The following OVCH1 variants were observed in gnomAD, a reference collection of about 807,000 sequenced individuals.
OVCH1 encodes the protein ovochymase 1, also known as ovochymase-1.
A neutral mutation model predicts 138.4 loss-of-function variants in OVCH1; 139 were observed. The ratio of observed to expected loss-of-function variants is 1.00; its 90% CI spans 0.87 to 1.16. The LOEUF (loss-of-function observed/expected upper bound fraction) is 1.16. Ranked by LOEUF, OVCH1 falls within the 50% of genes most tolerant of loss-of-function variation. OVCH1 has a pLI of 0.00. For missense variants in OVCH1, 1,367 were observed against 1,357.9 expected (o/e 1.01, Z -0.11); for synonymous variants, 453 against 467.8 (o/e 0.97, Z 0.41).
At chr12:29,446,461 T>C (rs1941619096) in intron 22 of OVCH1, among the ~76,000 whole-genome samples, 1 of 152,146 alleles carries the variant, frequency 6.6e-6, no homozygotes, top group South Asian at 2.1e-4. Flanking sequence ...AAGAATGCTA[T>C]ACAACTTAAG....
intron 4 of OVCH1, 90 bp downstream of exon 4, chr12:29,495,195 T>G: frequency 7.3e-6 from 9 of 1,237,402 alleles, no homozygotes; most frequent in Non-Finnish European, 1.0e-5. Flanking sequence ...ATTCTATTAC[T>G]AGACAGCCAC....
At chr12:29,409,821 G>A, downstream of OVCH1, among the ~76,000 whole-genome samples, 1 of 152,078 alleles carries the variant, frequency 6.6e-6, no homozygotes, top group East Asian at 1.9e-4. Flanking sequence ...ATGTCTATGA[G>A]GTCTGCTTGG....
At chr12:29,462,962 T>C (rs1011600987) in intron 18 of OVCH1, among the ~76,000 whole-genome samples, 6 of 152,208 alleles carry the variant, frequency 3.9e-5, no homozygotes, top group African/African-American at 1.4e-4. Flanking sequence ...CTCTCCTAGC[T>C]GGAAAGAATG....
chr12:29,447,123 G>C (rs1273074190), intron 22 of OVCH1, among the ~76,000 whole-genome samples: 1 of 151,762 alleles, frequency 6.6e-6, no homozygotes, highest in South Asian at 2.1e-4. Flanking sequence ...GCAATAAAAA[G>C]AATAATACTC....
At chr12:29,496,114 G>T in intron 3 of OVCH1, 67 bp downstream of exon 3, 1 of 1,404,496 alleles carries the variant, frequency 7.1e-7, no homozygotes, top group Non-Finnish European at 9.9e-7. Flanking sequence ...GCTATTTAGA[G>T]CAACAAATCT....
Position 29,451,574 on chromosome 12 carries a change from A to G in OVCH1, c.2531-5T>C. 1 of 1,603,066 alleles carries G rather than the reference A, an allele frequency of 6.2e-7. No individual in the cohort carries two copies. On this transcript the variant is annotated splice_polypyrimidine_tract_variant and splice_region_variant and intron_variant, in intron 21 of 27. Coordinates refer to ENST00000318184, the Ensembl canonical transcript of OVCH1. Reference sequence around the variant, plus strand: ...GCTCTGCTTCAGAGCAACAACCTGCAATTCAGAACACACAGACACCAGGGA... The same window carrying G: ...GCTCTGCTTCAGAGCAACAACCTGCGATTCAGAACACACAGACACCAGGGA...
intron 21 of OVCH1, among the ~76,000 whole-genome samples, chr12:29,452,522 G>A (rs928946466): frequency 2.6e-5 from 4 of 151,858 alleles, no homozygotes; most frequent in African/African-American, 4.8e-5. Context: ...ATCTTCCCTC[G>A]CCTTGCCCTA....
the OVCH1 span, among the ~76,000 whole-genome samples, chr12:29,402,627 A>G: frequency 6.6e-6 from 1 of 151,970 alleles, no homozygotes; most frequent in Non-Finnish European, 1.5e-5. Context: ...TTGGAAGAGT[A>G]TAAGAGATTG....
At chr12:29,414,020 C>CTT (rs74937229) in intron 3 of OVCH1, among the ~76,000 whole-genome samples, 653 of 38,396 alleles carry the variant, frequency 0.017, 9 homozygotes, top group African/African-American at 0.034. Context: ...CTCTCTCTCT[C>CTT]TTTTTTTTTT....
At chr12:29,464,975 T>C (rs936096077) in intron 17 of OVCH1, among the ~76,000 whole-genome samples, 172 bp downstream of exon 17, 43 of 152,132 alleles carry the variant, frequency 2.8e-4, no homozygotes, top group Non-Finnish European at 4.4e-4. Flanking sequence ...TTCCTGCAAT[T>C]CTCAAGTGAA....
chr12:29,441,128 A>G (rs1474925475), intron 25 of OVCH1, among the ~76,000 whole-genome samples: 4 of 152,182 alleles, frequency 2.6e-5, no homozygotes, highest in Admixed American at 2.6e-4. Flanking sequence ...TTGACCACCC[A>G]AAATCCTTGT....
At chr12:29,447,255 A>C (rs1279472247) in intron 22 of OVCH1, among the ~76,000 whole-genome samples, 2 of 152,124 alleles carry the variant, frequency 1.3e-5, no homozygotes, top group African/African-American at 4.8e-5. Context: ...CAGGAGTTTG[A>C]GACCAGCCTG....
At chr12:29,439,561 G>A (rs1231486695) in intron 25 of OVCH1, 8 of 1,200,384 alleles carry the variant, frequency 6.7e-6, no homozygotes, top group Admixed American at 3.7e-5. Context: ...TGCTACTCTC[G>A]GTACTTTACC....
At chr12:29,455,250 A>C in exon 20 of OVCH1, 1 of 1,611,628 alleles carries the variant, frequency 6.2e-7, no homozygotes, top group Non-Finnish European at 8.5e-7. Context: ...ACAATTTACC[A>C]TTGATTTTTG....
At chr12:29,470,480 G>A (rs1033197486) in intron 16 of OVCH1, among the ~76,000 whole-genome samples, 2 of 152,070 alleles carry the variant, frequency 1.3e-5, no homozygotes, top group Non-Finnish European at 2.9e-5. Flanking sequence ...TTGGTTTTCT[G>A]TTCCTGTGTT....
At chr12:29,407,372 G>C in the OVCH1 span, among the ~76,000 whole-genome samples, 8 of 143,820 alleles carry the variant, frequency 5.6e-5, no homozygotes, top group African/African-American at 2.0e-4. Context: ...CAGACATGAA[G>C]TCCTTGCCCA....
intron 3 of OVCH1, among the ~76,000 whole-genome samples, chr12:29,414,274 C>A (rs149967470): frequency 8.6e-4 from 131 of 152,242 alleles, no homozygotes; most frequent in African/African-American, 2.5e-3. Context: ...GATCCACCCC[C>A]CTCAGCCTCC....
chr12:29,477,093 G>T lies in OVCH1; in HGVS notation c.1377+9C>A. Reference sequence around the variant, plus strand: ...CTTTATGAGGTAGAGCGATTCCTCAGTTGCCTACCTTTATAATGTGCTTCT... The same window carrying T: ...CTTTATGAGGTAGAGCGATTCCTCATTTGCCTACCTTTATAATGTGCTTCT... On this transcript the variant is annotated intron_variant, in intron 12 of 27. Transcript: ENST00000318184. 6.3e-7 allele frequency: 1 copy of T among 1,593,984 alleles called. No individual in the cohort carries two copies. Among genetic ancestry groups the T allele is most frequent in the Non-Finnish European group, 8.5e-7 (1 of 1,169,702 alleles).
Position 29,443,344 on chromosome 12 carries a change from C to G in OVCH1, c.3157+17G>C. The G allele has an allele frequency of 6.2e-7, 1 of 1,606,308 alleles. No homozygotes were observed. Among genetic ancestry groups the G allele is most frequent in the Non-Finnish European group, 8.5e-7 (1 of 1,175,754 alleles). On this transcript the variant is annotated intron_variant, in intron 25 of 27. Transcript: ENST00000318184. ...GAGAAAAATCAGTAGCATAGAGATT[C>G]ATGGGAAATCAGTTACCTATTAATT...
Sources: allele counts gnomAD v4.1 joint callset (sites outside exome capture counted in the v4.1 genomes callset), GRCh38; gene constraint gnomAD v4.1.1; transcripts MANE v1.5; gene names NCBI Gene and HGNC (gene_info 2026-07-23, HGNC 2026-07-21).